CCDC175: variants seen among roughly 807,000 people sequenced by gnomAD.
CCDC175 encodes coiled-coil domain-containing protein 175.
Under a neutral mutation model 114.6 loss-of-function variants are expected in CCDC175, and 100 were observed. The observed-to-expected ratio is 0.87, with a 90% confidence interval of 0.74 to 1.03. CCDC175 has a LOEUF of 1.03. Among genes scored for constraint, CCDC175 ranks in the 50% least tolerant of loss-of-function variants. The probability of loss-of-function intolerance (pLI) is 0.00; values close to 1 mark genes in which losing one functional copy is unlikely to be tolerated. For missense variants in CCDC175, 880 were observed against 917.8 expected, an observed-to-expected ratio of 0.96 and a Z score of 0.53; for synonymous variants, 306 against 308.7, an observed-to-expected ratio of 0.99 and a Z score of 0.09.
chr14:59,530,225 G>A (rs538983558), intron 14 of CCDC175, among the ~76,000 whole-genome samples: 3 of 151,774 alleles, frequency 2.0e-5, no homozygotes, highest in Non-Finnish European at 4.4e-5. Flanking sequence ...AAATTGGCCA[G>A]GCATGGTGGC....
chr14:59,560,721 T>C (rs1346141443), intron 7 of CCDC175, among the ~76,000 whole-genome samples: 1 of 152,168 alleles, frequency 6.6e-6, no homozygotes, highest in Non-Finnish European at 1.5e-5. Context: ...TGTATTTTCT[T>C]AGGAAGTTTG....
At chr14:59,523,376 A>C (rs754642831) in intron 16 of CCDC175, among the ~76,000 whole-genome samples, 10 of 152,220 alleles carry the variant, frequency 6.6e-5, no homozygotes, top group Admixed American at 2.0e-4. Context: ...TTGCCATTTA[A>C]CAGATGAAAA....
Position 59,576,730 on chromosome 14 carries a change from G to C in CCDC175, c.46C>G (p.Leu16Val). 6.8e-7 allele frequency: 1 copy of C among 1,474,830 alleles called. No homozygotes were observed. The highest frequency in any genetic ancestry group is 1.3e-5 in the South Asian group (1 of 76,228). The allele number at this position is 1,474,830 out of a possible 1,614,324, so 91.4% of individuals were successfully genotyped here. A position where few individuals can be genotyped will look rare whatever the true frequency, so the allele number is the denominator to read the frequency against. Residue 16 changes from leucine to valine, a missense_variant, in exon 1 of 20, where the codon CTG becomes GTG. Transcript: ENST00000537690. ...WTPGLGAGEK[L>V]VQAAAVSTGP... is the part of the protein sequence containing the mutation. ...GTGGAGACGGCAGCCGCCTGCACCA[G>C]CTTCTCGCCAGCGCCCAGCCCTGGG...
chr14:59,508,399 TACACACAC>T (rs71451066), intron 19 of CCDC175, among the ~76,000 whole-genome samples: 25 of 97,362 alleles, frequency 2.6e-4, no homozygotes, highest in African/African-American at 5.5e-4. Context: ...GTCTCCAAAA[TACACACAC>T]ACACACACAC....
At chr14:59,526,555 C>CA (rs34795667) in intron 15 of CCDC175, among the ~76,000 whole-genome samples, 45,074 of 141,864 alleles carry the variant, frequency 0.32, 6,983 homozygotes, top group South Asian at 0.43. Flanking sequence ...GACTCCATCT[C>CA]AAAAAAAAAA....
rs900807310 is a variant in CCDC175 at position 59,517,254 on chromosome 14, T to C, written c.2098+4320A>G. On this transcript the variant is annotated intron_variant, in intron 17 of 19. Transcript: ENST00000537690. ...AACTGGAAGCATTCCCTTGGAAAAC[T>C]GGTACAAGACAGGGATGCCCTCTCT... 1.6e-4 allele frequency among the ~76,000 whole-genome samples: 25 copies of C among 152,166 alleles called. 1 individual carries two copies. The highest frequency in any genetic ancestry group is 7.9e-4 in the Admixed American group (12 of 15,268).
chr14:59,553,420 AT>A (rs1165962413), intron 7 of CCDC175, among the ~76,000 whole-genome samples: 1 of 152,204 alleles, frequency 6.6e-6, no homozygotes, highest in Non-Finnish European at 1.5e-5. Flanking sequence ...ATGATGAGAG[AT>A]TTTGTCACCA....
chr14:59,536,422 T>C (rs1894398683), intron 13 of CCDC175, among the ~76,000 whole-genome samples: 1 of 151,994 alleles, frequency 6.6e-6, no homozygotes, highest in Admixed American at 6.6e-5. Flanking sequence ...CACCATCCAA[T>C]ATACTACTTG....
chr14:59,554,901 C>T (rs576894740), intron 7 of CCDC175, among the ~76,000 whole-genome samples: 13 of 152,168 alleles, frequency 8.5e-5, no homozygotes, highest in African/African-American at 2.4e-4. Context: ...ATACACCCTC[C>T]GAAGACTAAA....
chr14:59,570,594 A>G (rs1896792818), intron 3 of CCDC175, among the ~76,000 whole-genome samples: 1 of 152,218 alleles, frequency 6.6e-6, no homozygotes, highest in Middle Eastern at 3.4e-3. Flanking sequence ...AACTGTGATG[A>G]GCTTTGGAGC....
At position 59,519,493 on chromosome 14, in the gene CCDC175, AAT is replaced by A. The variant is rs556362414; in HGVS notation, c.2098+2079_2098+2080del. On this transcript the variant is annotated intron_variant, in intron 17 of 19. Coordinates refer to ENST00000537690, the MANE Select transcript of CCDC175 (RefSeq NM_001164399.2). ...TAGATGGGCTTCGTTCAAATGAAAAAATGTTTACTCTTTCTGAGACACCATGA... is the reference window on the plus strand; with the variant it reads ...TAGATGGGCTTCGTTCAAATGAAAAAGTTTACTCTTTCTGAGACACCATGA... Among the ~76,000 whole-genome samples, 21 of 152,312 alleles carry A rather than the reference AAT, an allele frequency of 1.4e-4. No homozygotes were observed. In the East Asian group the frequency reaches 3.9e-3, roughly 28 times the overall value.
chr14:59,576,496 C>T (rs1046751207), intron 1 of CCDC175, 123 bp downstream of exon 1: 23 of 947,720 alleles, frequency 2.4e-5, no homozygotes, highest in Non-Finnish European at 3.3e-5. Context: ...GGGGAGAAGG[C>T]TCTGCCCTGC....
At chr14:59,551,556 G>T in intron 7 of CCDC175, 120 bp from the exon 8 acceptor site, 2 of 503,146 alleles carry the variant, frequency 4.0e-6, no homozygotes, top group South Asian at 3.2e-5. Context: ...ACAGAAGATG[G>T]GTGATTTCTG....
intron 15 of CCDC175, among the ~76,000 whole-genome samples, chr14:59,525,994 A>G (rs1806767775): frequency 6.6e-6 from 1 of 152,190 alleles, no homozygotes; most frequent in Non-Finnish European, 1.5e-5. Flanking sequence ...TCAAGGGATG[A>G]CTGTACTTTG....
At chr14:59,509,188 T>A (rs568758807) in intron 19 of CCDC175, among the ~76,000 whole-genome samples, 1 of 152,202 alleles carries the variant, frequency 6.6e-6, no homozygotes, top group Non-Finnish European at 1.5e-5. Flanking sequence ...GATTAATTCA[T>A]GTGAAGACAG....
chr14:59,539,499 G>A (rs1348846085), intron 11 of CCDC175, among the ~76,000 whole-genome samples: 1 of 152,124 alleles, frequency 6.6e-6, no homozygotes, highest in Non-Finnish European at 1.5e-5. Context: ...AGAATCACTT[G>A]AACCTGGGAG....
chr14:59,544,621 A>C (rs2140049525), intron 9 of CCDC175, among the ~76,000 whole-genome samples: 1 of 152,292 alleles, frequency 6.6e-6, no homozygotes, highest in Non-Finnish European at 1.5e-5. Flanking sequence ...TAAGCTATAC[A>C]TTTCTATATT....
At chr14:59,563,950 ATATT>A (rs1275448826) in intron 5 of CCDC175, 91 bp from the exon 6 acceptor site, 1 of 798,416 alleles carries the variant, frequency 1.3e-6, no homozygotes, top group Non-Finnish European at 1.7e-6. Flanking sequence ...AACCTAATTC[ATATT>A]TAATCTAAGT....
At chr14:59,521,287 T>G (rs1046079797) in intron 17 of CCDC175, among the ~76,000 whole-genome samples, 1 of 152,200 alleles carries the variant, frequency 6.6e-6, no homozygotes, top group Non-Finnish European at 1.5e-5. Context: ...TTCTTCAGCT[T>G]TTGGACTCTT....
Sources: allele counts gnomAD v4.1 joint callset (sites outside exome capture counted in the v4.1 genomes callset), GRCh38; gene constraint gnomAD v4.1.1; transcripts MANE v1.5; gene names NCBI Gene and HGNC (gene_info 2026-07-23, HGNC 2026-07-21).